NR2C2: variants seen among roughly 807,000 people sequenced by gnomAD.
The protein encoded by NR2C2 is nuclear receptor subfamily 2 group C member 2, also known as Nuclear hormone receptor TR4.
In NR2C2, 6 loss-of-function variants were observed where a neutral mutation model predicts 62.9. The ratio of observed to expected loss-of-function variants is 0.10; its 90% CI spans 0.05 to 0.19. NR2C2 has a LOEUF of 0.19. NR2C2 is among the 10% of genes least tolerant of loss of function. The pLI, the probability that NR2C2 is intolerant of heterozygous loss-of-function variation, is 1.00. For missense variants in NR2C2, 479 were observed against 762.7 expected, an observed-to-expected ratio of 0.63 and a Z score of 4.38; for synonymous variants, 272 against 273.8, an observed-to-expected ratio of 0.99 and a Z score of 0.07.
chr3:15,036,765 T>G lies in NR2C2; in HGVS notation c.1373-1235T>G, dbSNP rs535518031. On this transcript the variant is annotated intron_variant, in intron 11 of 13. Transcript: ENST00000425241. Reference sequence around the variant, plus strand: ...TTGATATCTAGGAATGTGAGTGACATAGTCATACATTTGTTTTTCTAGTTA... The same window carrying G: ...TTGATATCTAGGAATGTGAGTGACAGAGTCATACATTTGTTTTTCTAGTTA... Among the ~76,000 whole-genome samples, 6 of 152,350 alleles carry G rather than the reference T, an allele frequency of 3.9e-5. No individual in the cohort carries two copies. The East Asian group carries it at 1.2e-3, about 29-fold the overall frequency.
intron 11 of NR2C2, among the ~76,000 whole-genome samples, chr3:15,035,539 A>G (rs1247816094): frequency 2.6e-5 from 4 of 152,226 alleles, no homozygotes; most frequent in African/African-American, 9.6e-5. Flanking sequence ...ATTTTTCCCT[A>G]TGGAGGAACT....
chr3:15,031,653 G>C (rs952419643), intron 9 of NR2C2, among the ~76,000 whole-genome samples: 1 of 151,752 alleles, frequency 6.6e-6, no homozygotes, highest in African/African-American at 2.4e-5. Flanking sequence ...TGTCACATGA[G>C]CTGCTTAGCT....
chr3:14,999,741 A>G (rs924493405), intron 1 of NR2C2, among the ~76,000 whole-genome samples: 8 of 151,602 alleles, frequency 5.3e-5, no homozygotes, highest in Non-Finnish European at 1.2e-4. Flanking sequence ...CACTTGTCCC[A>G]TCACCATTTG....
chr3:15,048,271 C>T lies in NR2C2; in HGVS notation c.*5263C>T, dbSNP rs56215493. 38 of 152,730 alleles carry T rather than the reference C, an allele frequency of 2.5e-4. No homozygotes were observed. Among genetic ancestry groups the T allele is most frequent in the African/African-American group, 8.4e-4 (35 of 41,560 alleles). 9.5% of individuals were successfully genotyped at this position (152,730 alleles called of 1,614,324 possible). ...CCCACAAGATTGTGCGACCTTTCCC[C>T]GTCATAGCCTGTCGTGACAATCACG... is the stretch of plus-strand genomic sequence containing the variant. On this transcript the variant is annotated 3_prime_UTR_variant, in exon 14 of 14. Coordinates refer to ENST00000425241, the MANE Select transcript of NR2C2 (RefSeq NM_001291694.2).
intron 1 of NR2C2, among the ~76,000 whole-genome samples, chr3:14,988,401 C>G (rs1192035131): frequency 6.6e-6 from 1 of 152,180 alleles, no homozygotes; most frequent in Non-Finnish European, 1.5e-5. Flanking sequence ...CTTATATTTC[C>G]TAGAAAAATA....
intron 1 of NR2C2, among the ~76,000 whole-genome samples, chr3:14,992,613 A>G (rs192061953): frequency 4.2e-4 from 64 of 152,342 alleles, no homozygotes; most frequent in African/African-American, 1.2e-3. Flanking sequence ...GTGGGAACCC[A>G]GAGGAGGGCA....
At position 15,020,331 on chromosome 3, in the gene NR2C2, A is replaced by G. The variant is rs993428577; in HGVS notation, c.377-422A>G. Among the ~76,000 whole-genome samples, 9 of 152,334 alleles carry G rather than the reference A, an allele frequency of 5.9e-5. No individual in the cohort carries two copies. The South Asian group carries it at 1.2e-3, about 21-fold the overall frequency. ...AAAGCCACACATGCACGTGTTTGCT[A>G]TGTGCCACTCGTGGCAGGACAGGGG... On this transcript the variant is annotated intron_variant, in intron 4 of 13. Coordinates refer to ENST00000425241, the MANE Select transcript of NR2C2 (RefSeq NM_001291694.2).
intron 1 of NR2C2, among the ~76,000 whole-genome samples, chr3:14,982,526 T>C (rs191768420): frequency 9.7e-4 from 148 of 152,336 alleles, no homozygotes; most frequent in Admixed American, 1.8e-3. Context: ...TGATTTTTTT[T>C]CTGCAAAAAT....
intron 4 of NR2C2, among the ~76,000 whole-genome samples, chr3:15,016,890 T>G (rs994573557): frequency 1.1e-4 from 16 of 152,188 alleles, no homozygotes; most frequent in African/African-American, 3.9e-4. Flanking sequence ...AAAGTGAGAC[T>G]GAAGAAGATG....
chr3:14,970,714 A>AT (rs371560061), intron 1 of NR2C2, among the ~76,000 whole-genome samples: 21 of 152,154 alleles, frequency 1.4e-4, no homozygotes, highest in Admixed American at 4.6e-4. Flanking sequence ...TATGTATCAC[A>AT]TTTTATCTGT....
At chr3:14,976,994 G>T (rs890895770) in intron 1 of NR2C2, among the ~76,000 whole-genome samples, 1 of 152,150 alleles carries the variant, frequency 6.6e-6, no homozygotes, top group Non-Finnish European at 1.5e-5. Flanking sequence ...CACTCAGAGG[G>T]TTCTTTCAGT....
intron 1 of NR2C2, among the ~76,000 whole-genome samples, chr3:14,977,717 C>G (rs2040246523): frequency 6.6e-6 from 1 of 151,976 alleles, no homozygotes. Context: ...ATAATCCTAG[C>G]ACTTTGGGAG....
chr3:14,962,470 T>C (rs1249186112), intron 1 of NR2C2: 2 of 152,602 alleles, frequency 1.3e-5, no homozygotes, highest in Non-Finnish European at 2.9e-5. Flanking sequence ...CAGCACAGAG[T>C]GGGGACCCAG....
In NR2C2 at chr3:15,024,161, C is replaced by A. The variant is rs760341630; in HGVS notation, c.751C>A (p.Pro251Thr). The A allele has an allele frequency of 5.0e-6, 8 of 1,612,788 alleles. No individual in the cohort carries two copies. Among genetic ancestry groups the A allele is most frequent in the Non-Finnish European group, 5.9e-6 (7 of 1,179,436 alleles). ...AGGGATGCTTGTGAACATCCAGCAGCCTTTGATACGTGAGGATGGTACAGT... is the reference window on the plus strand; with the variant it reads ...AGGGATGCTTGTGAACATCCAGCAGACTTTGATACGTGAGGATGGTACAGT... Reference protein sequence around the residue: ...DPGMLVNIQQPLIREDGTVLL... With the variant: ...DPGMLVNIQQTLIREDGTVLL... Residue 251 changes from proline (P) to threonine (T), a missense_variant, in exon 7 of 14, where the codon CCT becomes ACT. Transcript: ENST00000425241.
Position 15,008,035 on chromosome 3 carries a change from C to T in NR2C2, c.72+4049C>T, listed in dbSNP as rs114220813. On this transcript the variant is annotated intron_variant, in intron 2 of 13. Transcript: ENST00000425241. ...AGGTGGCAAGGTGGATAGGGATAAA[C>T]TGGAGAGGCTACCTCATCTAAAGAG... Among the ~76,000 whole-genome samples, 875 of 152,236 alleles carry T rather than the reference C, an allele frequency of 5.7e-3. 8 individuals carry two copies. The highest frequency in any genetic ancestry group is 0.019 in the African/African-American group (810 of 41,540).
intron 1 of NR2C2, among the ~76,000 whole-genome samples, chr3:14,995,320 C>CA (rs761643743): frequency 0.057 from 6,720 of 118,044 alleles, 448 homozygotes; most frequent in African/African-American, 0.16. Context: ...TTTACCCCCT[C>CA]AAAAAAAAAA....
chr3:14,948,681 G>A (rs929118615), intron 1 of NR2C2: 5 of 152,756 alleles, frequency 3.3e-5, no homozygotes, highest in African/African-American at 1.2e-4. Context: ...GCTTCCCTCC[G>A]CCTGGAACGC....
chr3:15,021,073 T>G, intron 5 of NR2C2, 141 bp downstream of exon 5: 1 of 799,030 alleles, frequency 1.3e-6, no homozygotes, highest in Non-Finnish European at 1.9e-6. Context: ...GTTTACCTCA[T>G]GGGTCAGCCA....
In NR2C2 at chr3:15,004,930, T is replaced by C. The variant is rs906472720; in HGVS notation, c.72+944T>C. Among the ~76,000 whole-genome samples the C allele has an allele frequency of 2.6e-5, 4 of 152,212 alleles. No individual in the cohort carries two copies. The South Asian group carries it at 8.3e-4, about 31-fold the overall frequency. On this transcript the variant is annotated intron_variant, in intron 2 of 13. Transcript: ENST00000425241. ...GTTGCTTGCTTTCTTTTTATTTATT[T>C]ATTTTTGAGACAGAGTCTTGCTATG... is the stretch of plus-strand genomic sequence containing the variant.
Sources: allele counts gnomAD v4.1 joint callset (sites outside exome capture counted in the v4.1 genomes callset), GRCh38; gene constraint gnomAD v4.1.1; transcripts MANE v1.5; gene names NCBI Gene and HGNC (gene_info 2026-07-23, HGNC 2026-07-21).